NDFIP1: variants seen among roughly 807,000 people sequenced by gnomAD.
NDFIP1 encodes Nedd4 family interacting protein 1.
A neutral mutation model predicts 28.8 loss-of-function variants in NDFIP1; 7 were observed. That is an observed-to-expected ratio of 0.24 (90% CI 0.14 to 0.46). NDFIP1 has a LOEUF of 0.46. Among genes scored for constraint, NDFIP1 ranks in the 20% least tolerant of loss-of-function variants. The probability of loss-of-function intolerance (pLI) is 0.99; values close to 1 mark genes in which losing one functional copy is unlikely to be tolerated. For missense variants in NDFIP1, 194 were observed against 269.1 expected (o/e 0.72, Z 1.95); for synonymous variants, 92 against 101.0 (o/e 0.91, Z 0.53).
rs1459022384 is a variant in NDFIP1, at chr5:142,137,765, C to T, written c.402C>T (p.Phe134=). The T allele has an allele frequency of 2.5e-6, 4 of 1,614,108 alleles. No individual in the cohort carries two copies. The highest frequency in any genetic ancestry group is 2.5e-6 in the Non-Finnish European group (3 of 1,179,992). ...MAFLFNWIGF[F]LSFCLTTSAA... is the part of the protein sequence containing the mutation. Reference sequence around the variant, plus strand: ...TCCTCTTTAACTGGATTGGGTTTTTCCTGTCTTTTTGCCTGACCACTTCAG... The same window carrying T: ...TCCTCTTTAACTGGATTGGGTTTTTTCTGTCTTTTTGCCTGACCACTTCAG... Residue 134 remains phenylalanine, a synonymous_variant, in exon 5 of 8, where the codon TTC becomes TTT. Coordinates refer to ENST00000253814, the MANE Select transcript of NDFIP1 (RefSeq NM_030571.4).
intron 1 of NDFIP1, among the ~76,000 whole-genome samples, chr5:142,112,007 C>T (rs1757018892): frequency 6.6e-6 from 1 of 151,450 alleles, no homozygotes; most frequent in African/African-American, 2.4e-5. Flanking sequence ...GCAGAAGTTG[C>T]AGTGAGCCAA....
intron 1 of NDFIP1, among the ~76,000 whole-genome samples, chr5:142,126,999 A>C (rs371522651): frequency 2.8e-4 from 40 of 145,246 alleles, no homozygotes; most frequent in African/African-American, 6.7e-4. Flanking sequence ...GGAAAAAAAA[A>C]CGCTCTATTT....
intron 2 of NDFIP1, 158 bp downstream of exon 2, chr5:142,132,053 C>G (rs570481021): frequency 9.6e-7 from 1 of 1,038,188 alleles, no homozygotes; most frequent in Non-Finnish European, 1.4e-6. Context: ...TTAAAAATCA[C>G]CCCCAGTCTC....
Position 142,152,985 on chromosome 5 carries a change from T to A in NDFIP1, c.*1257T>A, listed in dbSNP as rs1015216328. ...ATTTGAACATTGGTTCTGTAAAAGATAATGGACTAAAAAAGTAGAGAGGAG... is the reference window on the plus strand; with the variant it reads ...ATTTGAACATTGGTTCTGTAAAAGAAAATGGACTAAAAAAGTAGAGAGGAG... On this transcript the variant is annotated 3_prime_UTR_variant, in exon 8 of 8. Transcript: ENST00000253814. 2.1e-5 allele frequency: 6 copies of A among 290,420 alleles called. No individual in the cohort carries two copies. In the East Asian group the frequency reaches 5.2e-4, roughly 25 times the overall value. The allele number at this position is 290,420 out of a possible 1,614,324, so 18.0% of individuals were successfully genotyped here. A position where few individuals can be genotyped will look rare whatever the true frequency, so the allele number is the denominator to read the frequency against.
intron 1 of NDFIP1, among the ~76,000 whole-genome samples, chr5:142,115,440 C>T (rs1182729599): frequency 3.9e-5 from 6 of 151,976 alleles, no homozygotes; most frequent in Non-Finnish European, 4.4e-5. Context: ...CCCACCACCA[C>T]GCCCAGCTAA....
In NDFIP1 at chr5:142,137,870, A is replaced by G. The variant is rs1163103887; in HGVS notation, c.495+12A>G. The G allele has an allele frequency of 1.2e-6, 2 of 1,612,982 alleles. No individual in the cohort carries two copies. Among genetic ancestry groups the G allele is most frequent in the Non-Finnish European group, 1.7e-6 (2 of 1,179,374 alleles). ...TCCTGATTGTCAGGGTAAGTTGTAT[A>G]ACAGAAAAGATGGGCTCTACAGAGA... On this transcript the variant is annotated intron_variant, in intron 5 of 7. Transcript: ENST00000253814.
At chr5:142,141,977 A>T (rs866996072) in intron 6 of NDFIP1, among the ~76,000 whole-genome samples, 21 of 152,044 alleles carry the variant, frequency 1.4e-4, no homozygotes, top group African/African-American at 4.6e-4. Context: ...CTACAAAAAA[A>T]TTTTTTTAAA....
rs188222846 is a variant in NDFIP1, at chr5:142,132,068, A to G, written c.152-144A>G. Reference sequence around the variant, plus strand: ...TTAAAAATCACCCCCAGTCTCTTACATTCATCTAAGAATGTCTTTTGGTTC... The same window carrying G: ...TTAAAAATCACCCCCAGTCTCTTACGTTCATCTAAGAATGTCTTTTGGTTC... On this transcript the variant is annotated intron_variant, in intron 2 of 7. Transcript: ENST00000253814. The G allele has an allele frequency of 5.0e-4, 545 of 1,099,116 alleles. 2 individuals carry two copies. In the African/African-American group the frequency reaches 7.9e-3, roughly 16 times the overall value. 68.1% of individuals were successfully genotyped at this position (1,099,116 alleles called of 1,614,324 possible).
rs902141886 is a variant in NDFIP1, at chr5:142,125,329, A to G, written c.64-6479A>G. ...TTGTTTTCAGTTCTCTTGGGTATAT[A>G]CCTTGGAGTGGAATTGCTTGATGTT... is the stretch of plus-strand genomic sequence containing the variant. On this transcript the variant is annotated intron_variant, in intron 1 of 7. Coordinates refer to ENST00000253814, the MANE Select transcript of NDFIP1 (RefSeq NM_030571.4). Among the ~76,000 whole-genome samples the G allele has an allele frequency of 3.9e-5, 6 of 152,230 alleles. 1 individual carries two copies. Among genetic ancestry groups the G allele is most frequent in the Middle Eastern group, 3.4e-3 (1 of 294 alleles).
intron 3 of NDFIP1, among the ~76,000 whole-genome samples, chr5:142,132,954 G>T (rs1166620722): frequency 6.6e-6 from 1 of 152,244 alleles, no homozygotes; most frequent in Non-Finnish European, 1.5e-5. Flanking sequence ...TATTCATCCA[G>T]ATTGAGGCTG....
At chr5:142,119,346 C>T (rs1757100262) in intron 1 of NDFIP1, among the ~76,000 whole-genome samples, 1 of 152,240 alleles carries the variant, frequency 6.6e-6, no homozygotes, top group African/African-American at 2.4e-5. Context: ...AGTATTATAA[C>T]CACTACAGGA....
chr5:142,146,298 T>G (rs1253998207), intron 7 of NDFIP1, among the ~76,000 whole-genome samples: 1 of 152,256 alleles, frequency 6.6e-6, no homozygotes, highest in East Asian at 1.9e-4. Context: ...TCACACAGTC[T>G]GGACACAGAT....
rs1756982211 is a variant in NDFIP1 at position 142,108,987 on chromosome 5, TTGGCGGCGC to T, written c.22_30del (p.Leu8_Ala10del). 7 of 1,446,644 alleles carry T rather than the reference TTGGCGGCGC, an allele frequency of 4.8e-6. No homozygotes were observed. In the East Asian group the frequency reaches 1.8e-4, roughly 38 times the overall value. 89.6% of individuals were successfully genotyped at this position (1,446,644 alleles called of 1,614,324 possible). On this transcript the variant is annotated inframe_deletion, in exon 1 of 8. Coordinates refer to ENST00000253814, the MANE Select transcript of NDFIP1 (RefSeq NM_030571.4). ...TGCCGGCTGCGCCATGGCGTTGGCGTTGGCGGCGCTGGCGGCGGTCGAGCCGGCCTGCGG... is the reference window on the plus strand; with the variant it reads ...TGCCGGCTGCGCCATGGCGTTGGCGTTGGCGGCGGTCGAGCCGGCCTGCGG...
At chr5:142,143,697 T>A (rs771856898) in intron 6 of NDFIP1, 3 of 151,606 alleles carry the variant, frequency 2.0e-5, no homozygotes, top group African/African-American at 7.3e-5. Context: ...ACAAAAAGAG[T>A]CTTACTAAGA....
rs1756981670 is a variant in NDFIP1 at position 142,108,963 on chromosome 5, G to A, written c.-12G>A. ...CGCTCGCTCGCTCTGCTTCCCTGCTGCCGGCTGCGCCATGGCGTTGGCGTT... is the reference window on the plus strand; with the variant it reads ...CGCTCGCTCGCTCTGCTTCCCTGCTACCGGCTGCGCCATGGCGTTGGCGTT... On this transcript the variant is annotated 5_prime_UTR_variant, in exon 1 of 8. Transcript: ENST00000253814. 2.8e-6 allele frequency: 4 copies of A among 1,439,192 alleles called. No homozygotes were observed. Among genetic ancestry groups the A allele is most frequent in the Non-Finnish European group, 3.6e-6 (4 of 1,099,406 alleles). The allele number at this position is 1,439,192 out of a possible 1,614,324, so 89.2% of individuals were successfully genotyped here. A position where few individuals can be genotyped will look rare whatever the true frequency, so the allele number is the denominator to read the frequency against.
chr5:142,125,589 G>A (rs1459589538), intron 1 of NDFIP1, among the ~76,000 whole-genome samples: 1 of 151,780 alleles, frequency 6.6e-6, no homozygotes, highest in South Asian at 2.1e-4. Flanking sequence ...CAGACTCCTG[G>A]CCTCAAGTGA....
At chr5:142,116,906 T>G (rs911763960) in intron 1 of NDFIP1, among the ~76,000 whole-genome samples, 34 of 152,032 alleles carry the variant, frequency 2.2e-4, no homozygotes, top group African/African-American at 8.2e-4. Flanking sequence ...AGATGGGGTT[T>G]CACCACGTTG....
At chr5:142,109,812 C>G (rs892630510) in intron 1 of NDFIP1, among the ~76,000 whole-genome samples, 11 of 152,218 alleles carry the variant, frequency 7.2e-5, no homozygotes, top group African/African-American at 2.7e-4. Context: ...GCTTGTTTCA[C>G]TCCGCGTCTG....
intron 6 of NDFIP1, 23 bp from the exon 7 acceptor site, chr5:142,144,548 A>C (rs997564119): frequency 9.1e-6 from 14 of 1,536,364 alleles, no homozygotes; most frequent in Middle Eastern, 1.7e-4. Context: ...AAATTCATTC[A>C]TGACTTTTCT....
Sources: gnomAD v4.1 joint callset for allele counts (sites outside exome capture counted in the v4.1 genomes callset) on GRCh38, gnomAD v4.1.1 for gene constraint, MANE v1.5 for transcripts, NCBI Gene and HGNC (gene_info 2026-07-23, HGNC 2026-07-21) for gene names.